NUP214: variants seen among roughly 807,000 people sequenced by gnomAD.
NUP214 encodes nuclear pore complex protein Nup214.
NUP214 carries 79 observed loss-of-function variants against 196.2 expected under a neutral mutation model. The observed-to-expected ratio is 0.40, with a 90% CI of 0.34 to 0.49. The LOEUF is 0.49. NUP214 is among the 20% of genes least tolerant of loss of function. The pLI, the probability that NUP214 is intolerant of heterozygous loss-of-function variation, is 0.58. For synonymous variants in NUP214, 1,020 were observed against 990.5 expected (o/e 1.03, Z -0.56); for missense variants, 2,468 against 2,539.0 (o/e 0.97, Z 0.60).
At chr9:131,178,952 TTGG>T (rs1198187869) in intron 24 of NUP214, among the ~76,000 whole-genome samples, 1 of 152,046 alleles carries the variant, frequency 6.6e-6, no homozygotes, top group Non-Finnish European at 1.5e-5. Flanking sequence ...ACTTGTTTTT[TTGG>T]TGGTGGTGGT....
Position 131,233,569 on chromosome 9 carries a change from C to G in NUP214, c.*82C>G, listed in dbSNP as rs927164343. The G allele has an allele frequency of 6.5e-6, 10 of 1,529,124 alleles. No homozygotes were observed. Among genetic ancestry groups the G allele is most frequent in the African/African-American group, 1.4e-5 (1 of 73,266 alleles). 94.7% of individuals were successfully genotyped at this position (1,529,124 alleles called of 1,614,324 possible). ...CCGAGAAATGCTGGAGCAGGCTGTT[C>G]AGACCGACGTTGCCATCAAAACACA... On this transcript the variant is annotated 3_prime_UTR_variant, in exon 36 of 36. Coordinates refer to ENST00000359428, the MANE Select transcript of NUP214 (RefSeq NM_005085.4).
chr9:131,143,673 T>C (rs1831996140), intron 11 of NUP214, among the ~76,000 whole-genome samples: 2 of 152,212 alleles, frequency 1.3e-5, no homozygotes, highest in African/African-American at 4.8e-5. Flanking sequence ...AAAATCTCAA[T>C]TTGTATGAGC....
rs1554737811 is a variant in NUP214, at chr9:131,195,304, C to T, written c.3721+10C>T. 6.2e-7 allele frequency: 1 copy of T among 1,608,480 alleles called. No homozygotes were observed. The highest frequency in any genetic ancestry group is 2.2e-5 in the East Asian group (1 of 44,852). On this transcript the variant is annotated intron_variant, in intron 28 of 35. Coordinates refer to ENST00000359428, the MANE Select transcript of NUP214 (RefSeq NM_005085.4). Reference sequence around the variant, plus strand: ...TTCACTGCTGCACAAGGTACAGACTCTGTGTTGAGTAGCATTACTCATGTG... The same window carrying T: ...TTCACTGCTGCACAAGGTACAGACTTTGTGTTGAGTAGCATTACTCATGTG...
At chr9:131,135,827 T>G (rs940902269) in intron 8 of NUP214, 113 bp from the exon 9 acceptor site, 7 of 727,486 alleles carry the variant, frequency 9.6e-6, no homozygotes, top group Non-Finnish European at 1.4e-5. Context: ...TAAAAAACCT[T>G]ACTCTCTCTT....
chr9:131,147,476 T>C lies in NUP214; in HGVS notation c.1946-14T>C, dbSNP rs1832117664. On this transcript the variant is annotated splice_polypyrimidine_tract_variant and intron_variant, in intron 13 of 35. Coordinates refer to ENST00000359428, the MANE Select transcript of NUP214 (RefSeq NM_005085.4). Reference sequence around the variant, plus strand: ...TAAATGCCATCTATTTTAACTGACTTCTTTTTCAAGCAGGACGATCTGCTC... The same window carrying C: ...TAAATGCCATCTATTTTAACTGACTCCTTTTTCAAGCAGGACGATCTGCTC... The C allele has an allele frequency of 6.3e-7, 1 of 1,590,402 alleles. No individual in the cohort carries two copies. The highest frequency in any genetic ancestry group is 1.8e-5 in the Admixed American group (1 of 54,710).
At position 131,139,378 on chromosome 9, in the gene NUP214, A is replaced by T; in HGVS notation, c.1103A>T (p.Asp368Val). 6.2e-7 allele frequency: 1 copy of T among 1,606,904 alleles called. No homozygotes were observed. The highest frequency in any genetic ancestry group is 8.5e-7 in the Non-Finnish European group (1 of 1,177,552). Residue 368 changes from aspartate (D) to valine (V), a missense_variant, in exon 10 of 36, where the codon GAC (aspartate) becomes GTC (valine). Asp to Val is a radical substitution (Grantham distance 152). This residue lies in a region of NUP214 where 1,801 missense variants were observed against 1,779.4 expected (regional missense o/e 1.01). Coordinates refer to ENST00000359428, the MANE Select transcript of NUP214 (RefSeq NM_005085.4). ...TCCTTGCCCATGGGAGTTGTCGTAG[A>T]CTATACAAACCAAGTGGAAATCACC... ...DDSLPMGVVV[D>V]YTNQVEITIS...
At chr9:131,148,113 G>A (rs577580177) in intron 14 of NUP214, among the ~76,000 whole-genome samples, 1 of 152,316 alleles carries the variant, frequency 6.6e-6, no homozygotes, top group Admixed American at 6.5e-5. Flanking sequence ...CTTGAACCCG[G>A]GAGGCGGAGG....
Position 131,189,106 on chromosome 9 carries a change from G to T in NUP214, c.3549G>T (p.Gln1183His), listed in dbSNP as rs1018463873. 22 of 1,613,926 alleles carry T rather than the reference G, an allele frequency of 1.4e-5. No individual in the cohort carries two copies. Among genetic ancestry groups the T allele is most frequent in the South Asian group, 6.6e-5 (6 of 91,080 alleles). The change falls in exon 26 of 36, where the codon CAG (glutamine) becomes CAT (histidine). Residue 1183 changes from glutamine (Q) to histidine (H), a missense_variant. Gln to His is a conservative substitution (Grantham distance 24). This residue lies in a region of NUP214 where 1,801 missense variants were observed against 1,779.4 expected (regional missense o/e 1.01). Coordinates refer to ENST00000359428, the MANE Select transcript of NUP214 (RefSeq NM_005085.4). Reference protein sequence around the residue: ...KPSGPTPASGQLSSGDKASGT... With the variant: ...KPSGPTPASGHLSSGDKASGT... ...CTGGGCCTACACCAGCATCCGGTCA[G>T]TTATCATCTGGTGACAAAGCTTCAG...
chr9:131,233,639 T>G lies in NUP214; in HGVS notation c.*152T>G. ...CAGAAACCAAAACTCACAAGGCGCA[T>G]GATTACTTGTTTTATATTTCATGTT... On this transcript the variant is annotated 3_prime_UTR_variant, in exon 36 of 36. Transcript: ENST00000359428. 2.5e-6 allele frequency: 2 copies of G among 785,658 alleles called. No homozygotes were observed. The highest frequency in any genetic ancestry group is 4.3e-6 in the Non-Finnish European group (2 of 463,356). The allele number at this position is 785,658 out of a possible 1,614,324, so 48.7% of individuals were successfully genotyped here.
intron 28 of NUP214, 24 bp from the exon 29 acceptor site, chr9:131,197,192 T>A: frequency 1.2e-6 from 2 of 1,605,826 alleles, no homozygotes; most frequent in Non-Finnish European, 1.7e-6. Context: ...TCCAACCCAT[T>A]TTCTGATTTC....
chr9:131,160,121 A>G (rs1832586095), intron 18 of NUP214, among the ~76,000 whole-genome samples: 1 of 152,104 alleles, frequency 6.6e-6, no homozygotes, highest in Non-Finnish European at 1.5e-5. Flanking sequence ...CATGTTCTCC[A>G]ATAAATTATT....
chr9:131,144,573 CT>C lies in NUP214; in HGVS notation c.1589del (p.Leu530GlnfsTer41). 2 of 1,614,084 alleles carry C rather than the reference CT, an allele frequency of 1.2e-6. No individual in the cohort carries two copies. Among genetic ancestry groups the C allele is most frequent in the Non-Finnish European group, 1.7e-6 (2 of 1,179,944 alleles). Reference protein sequence around the residue: ...FSFVPPSKASLAPTPAASPVA... With the variant: ...FSFVPPSKASXAPTPAASPVA... The stretch of plus-strand genomic sequence containing the variant: ...TTTTGTTCCCCCTTCTAAAGCCTCC[CT>C]AGCCCCCACCCCTGCAGCGTCTCCT... On this transcript the variant is annotated frameshift_variant, in exon 12 of 36. Coordinates refer to ENST00000359428, the MANE Select transcript of NUP214 (RefSeq NM_005085.4). LOFTEE classifies it high-confidence loss of function.
chr9:131,125,675 T>C lies in NUP214; in HGVS notation c.-30T>C. 8.4e-6 allele frequency: 13 copies of C among 1,548,056 alleles called. No homozygotes were observed. The highest frequency in any genetic ancestry group is 8.7e-6 in the Non-Finnish European group (10 of 1,145,218). ...TGGGCAAGGCCGTGGGAGGCAGCGTTGGCTGCTTCGACACACTGAGGGCGG... is the reference window on the plus strand; with the variant it reads ...TGGGCAAGGCCGTGGGAGGCAGCGTCGGCTGCTTCGACACACTGAGGGCGG... On this transcript the variant is annotated 5_prime_UTR_variant, in exon 1 of 36. Coordinates refer to ENST00000359428, the MANE Select transcript of NUP214 (RefSeq NM_005085.4). The surrounding 1 kb of genome is among the most constrained non-coding windows in gnomAD (Gnocchi z 4.1).
chr9:131,194,821 T>C (rs562273084), intron 27 of NUP214, among the ~76,000 whole-genome samples: 3 of 152,330 alleles, frequency 2.0e-5, no homozygotes, highest in Non-Finnish European at 2.9e-5. Context: ...CTCTCCCTAG[T>C]CTTAAGTGCT....
At position 131,174,182 on chromosome 9, in the gene NUP214, G is replaced by C; in HGVS notation, c.3021G>C (p.Glu1007Asp). The C allele has an allele frequency of 6.2e-7, 1 of 1,613,966 alleles. No individual in the cohort carries two copies. The highest frequency in any genetic ancestry group is 8.5e-7 in the Non-Finnish European group (1 of 1,179,968). ...EDARTSCKDD[E>D]AVVQAPRHAP... ...CACGGACGTCCTGTAAAGATGACGA[G>C]GCAGTGGTTCAGGCCCCTCGGCACG... Residue 1007 changes from glutamate to aspartate, a missense_variant, in exon 22 of 36, where the codon GAG (glutamate) becomes GAC (aspartate). By Grantham distance (45) the Glu-to-Asp change is conservative. Transcript: ENST00000359428.
In NUP214 at chr9:131,137,343, A is replaced by G. The variant is rs1286109952; in HGVS notation, c.1005+1337A>G. ...GTAAACATTTTCTTATAATGCTGCC[A>G]CCTTATCCCTAAAGAAAAATCTGCT... On this transcript the variant is annotated intron_variant, in intron 9 of 35. Coordinates refer to ENST00000359428, the MANE Select transcript of NUP214 (RefSeq NM_005085.4). Among the ~76,000 whole-genome samples, 3 of 152,108 alleles carry G rather than the reference A, an allele frequency of 2.0e-5. No individual in the cohort carries two copies. The East Asian group carries it at 5.8e-4, about 29-fold the overall frequency.
At chr9:131,222,045 C>A (rs917686864) in intron 31 of NUP214, among the ~76,000 whole-genome samples, 3 of 152,116 alleles carry the variant, frequency 2.0e-5, no homozygotes, top group Non-Finnish European at 4.4e-5. Flanking sequence ...GGAGTGAATT[C>A]AGTGCATAGT....
chr9:131,176,433 C>G (rs981826638), intron 23 of NUP214, among the ~76,000 whole-genome samples: 1 of 151,934 alleles, frequency 6.6e-6, no homozygotes. Flanking sequence ...CCCAGGTGAC[C>G]TTCCCACCTC....
intron 32 of NUP214, 63 bp from the exon 33 acceptor site, chr9:131,228,096 CT>C: frequency 1.4e-6 from 2 of 1,429,300 alleles, no homozygotes; most frequent in Non-Finnish European, 1.9e-6. Context: ...TGCTCAATGT[CT>C]TCTCTTCCTG....
Sources: allele counts gnomAD v4.1 joint callset (sites outside exome capture counted in the v4.1 genomes callset), GRCh38; gene constraint gnomAD v4.1.1; regional missense constraint gnomAD v4.1.1; non-coding constraint Gnocchi (gnomAD v3.1); transcripts MANE v1.5; gene names NCBI Gene and HGNC (gene_info 2026-07-23, HGNC 2026-07-21).